Variants in DRC8 observed in about 807,000 individuals in gnomAD.
DRC8 encodes the protein dynein regulatory complex subunit 8.
At chr1:245,087,058 C>A in the DRC8 span, 1 of 813,730 alleles carries the variant, frequency 1.2e-6, no homozygotes. Context: ...CAGAATCTAC[C>A]AGGGTGTACA....
At chr1:245,110,588 C>T in the DRC8 span, among the ~76,000 whole-genome samples, 1 of 152,266 alleles carries the variant, frequency 6.6e-6, no homozygotes, top group Non-Finnish European at 1.5e-5. Flanking sequence ...AGATGGCCTG[C>T]CAGCCAGACA....
chr1:245,115,431 G>C, the DRC8 span, among the ~76,000 whole-genome samples: 2 of 152,326 alleles, frequency 1.3e-5, no homozygotes, highest in African/African-American at 4.8e-5. Flanking sequence ...TTCAGGAGTG[G>C]CTGTCCCTTC....
At chr1:245,124,597 A>G in the DRC8 span, 1 of 152,222 alleles carries the variant, frequency 6.6e-6, no homozygotes, top group African/African-American at 2.4e-5. Context: ...GTTCCTATAG[A>G]TACAATTTCT....
the DRC8 span, among the ~76,000 whole-genome samples, chr1:244,981,596 C>T: frequency 2.6e-5 from 4 of 152,256 alleles, no homozygotes; most frequent in South Asian, 2.1e-4. Flanking sequence ...AAAAGGTAAG[C>T]GCTTGGAAGT....
the DRC8 span, among the ~76,000 whole-genome samples, chr1:245,100,510 GTGGCTTATGCC>G: frequency 6.6e-6 from 1 of 152,140 alleles, no homozygotes; most frequent in Non-Finnish European, 1.5e-5. Flanking sequence ...GCCTGGCACA[GTGGCTTATGCC>G]TGTAATCTCA....
the DRC8 span, among the ~76,000 whole-genome samples, chr1:244,980,031 C>G: frequency 2.2e-5 from 1 of 46,476 alleles, no homozygotes; most frequent in Non-Finnish European, 5.4e-5. Context: ...GGTGAAACCC[C>G]GTCTCTACTA....
the DRC8 span, chr1:244,971,168 C>T: frequency 6.6e-6 from 1 of 152,368 alleles, no homozygotes; most frequent in African/African-American, 2.4e-5. Context: ...GCCCCGCCGC[C>T]GGCTAGCGCC....
the DRC8 span, among the ~76,000 whole-genome samples, chr1:245,090,183 G>A: frequency 7.9e-5 from 12 of 152,308 alleles, no homozygotes; most frequent in East Asian, 2.3e-3. Context: ...TGTCCGTGGG[G>A]CTAACGCATG....
At chr1:244,978,972 A>C in the DRC8 span, among the ~76,000 whole-genome samples, 4 of 152,160 alleles carry the variant, frequency 2.6e-5, no homozygotes, top group Non-Finnish European at 5.9e-5. Context: ...AGACAATGAT[A>C]CAATAATGTG....
chr1:245,010,965 G>A, the DRC8 span, among the ~76,000 whole-genome samples: 1 of 152,082 alleles, frequency 6.6e-6, no homozygotes, highest in African/African-American at 2.4e-5. Flanking sequence ...ACAGGTGTGA[G>A]CCACCGCGCC....
At chr1:245,124,063 A>G in the DRC8 span, 1 of 160,740 alleles carries the variant, frequency 6.2e-6, no homozygotes, top group Admixed American at 6.2e-5. Flanking sequence ...CTGAGACACC[A>G]CACCTGGTCT....
chr1:245,032,676 G>A, the DRC8 span, among the ~76,000 whole-genome samples: 1 of 152,140 alleles, frequency 6.6e-6, no homozygotes, highest in Admixed American at 6.6e-5. Flanking sequence ...TCTATATACA[G>A]TGTGATAATA....
At chr1:244,990,947 T>A in the DRC8 span, among the ~76,000 whole-genome samples, 1 of 151,822 alleles carries the variant, frequency 6.6e-6, no homozygotes, top group Non-Finnish European at 1.5e-5. Flanking sequence ...CAACTGGGAG[T>A]CCTACAATTC....
the DRC8 span, among the ~76,000 whole-genome samples, chr1:245,117,602 T>C: frequency 3.9e-4 from 59 of 151,948 alleles, no homozygotes; most frequent in Middle Eastern, 0.01. Flanking sequence ...TCTGTATTTT[T>C]AGTAGAGATG....
chr1:245,079,824 G>A, the DRC8 span, among the ~76,000 whole-genome samples: 8 of 152,274 alleles, frequency 5.3e-5, no homozygotes, highest in East Asian at 1.9e-4. Flanking sequence ...AGATAACCTC[G>A]TAGGATTGCC....
the DRC8 span, among the ~76,000 whole-genome samples, chr1:244,974,727 C>T: frequency 3.3e-5 from 5 of 151,932 alleles, no homozygotes; most frequent in African/African-American, 1.2e-4. Context: ...GTGGTGCAAC[C>T]TCTGTTGCCT....
At chr1:245,035,757 C>T in the DRC8 span, among the ~76,000 whole-genome samples, 2 of 151,678 alleles carry the variant, frequency 1.3e-5, no homozygotes, top group Non-Finnish European at 2.9e-5. Flanking sequence ...ATCCCAGCTA[C>T]TTGGGAGGCT....
At chr1:245,001,477 T>G in the DRC8 span, among the ~76,000 whole-genome samples, 22 of 152,292 alleles carry the variant, frequency 1.4e-4, no homozygotes, top group East Asian at 2.7e-3. Context: ...GGGCAGAGCT[T>G]ATAGATCTAT....
chr1:245,115,960 C>T, the DRC8 span, among the ~76,000 whole-genome samples: 1 of 149,814 alleles, frequency 6.7e-6, no homozygotes, highest in African/African-American at 2.5e-5. Flanking sequence ...GATCTCAGGT[C>T]ACTGTAGCCT....
Sources: gnomAD v4.1 joint callset for allele counts (sites outside exome capture counted in the v4.1 genomes callset) on GRCh38, gnomAD v4.1.1 for gene constraint, MANE v1.5 for transcripts, NCBI Gene and HGNC (gene_info 2026-07-23, HGNC 2026-07-21) for gene names.